The following DOK6 variants were observed in gnomAD, a reference collection of about 807,000 sequenced individuals.
DOK6 encodes downstream of tyrosine kinase 6.
A neutral mutation model predicts 44.0 loss-of-function variants in DOK6; 22 were observed. That is an observed-to-expected ratio of 0.50 (90% CI 0.36 to 0.71). DOK6 has a LOEUF of 0.71. Ranked by LOEUF, DOK6 falls within the 30% of genes least tolerant of loss-of-function variation. The pLI, the probability that DOK6 is intolerant of heterozygous loss-of-function variation, is 0.00. For synonymous variants in DOK6, 166 were observed against 145.5 expected (o/e 1.14, Z -1.01); for missense variants, 340 against 416.4 (o/e 0.82, Z 1.60).
intron 2 of DOK6, among the ~76,000 whole-genome samples, chr18:69,596,296 T>C (rs1380174930): frequency 6.6e-6 from 1 of 152,166 alleles, no homozygotes; most frequent in Non-Finnish European, 1.5e-5. Flanking sequence ...CTGCAAATAG[T>C]GGAGCTAAAT....
intron 3 of DOK6, among the ~76,000 whole-genome samples, chr18:69,605,509 C>G (rs73457966): frequency 0.016 from 2,498 of 152,164 alleles, 77 homozygotes; most frequent in African/African-American, 0.057. Context: ...CAAATTATTA[C>G]TAAGTCTAGG....
At chr18:69,619,071 C>CA (rs200531962) in intron 3 of DOK6, among the ~76,000 whole-genome samples, 2,254 of 151,964 alleles carry the variant, frequency 0.015, 42 homozygotes, top group African/African-American at 0.052. Flanking sequence ...AGAGATGCCA[C>CA]AAAAAAACTA....
chr18:69,603,770 CAAAAAAAAA>C (rs55654660), intron 3 of DOK6, among the ~76,000 whole-genome samples: 1 of 74,346 alleles, frequency 1.3e-5, no homozygotes, highest in Non-Finnish European at 2.4e-5. Flanking sequence ...GACTCCGTCT[CAAAAAAAAA>C]AAAAAAAAAA....
chr18:69,651,796 C>A (rs1293775350), intron 3 of DOK6, among the ~76,000 whole-genome samples: 1 of 151,972 alleles, frequency 6.6e-6, no homozygotes, highest in South Asian at 2.1e-4. Flanking sequence ...CCCATCAGCC[C>A]CCTTTAATCT....
chr18:69,486,145 T>A (rs1351639507), intron 1 of DOK6, among the ~76,000 whole-genome samples: 4 of 151,950 alleles, frequency 2.6e-5, no homozygotes, highest in African/African-American at 9.7e-5. Context: ...ATTATTATTA[T>A]AAGTAATAAT....
chr18:69,466,590 A>G (rs1333854931), intron 1 of DOK6, among the ~76,000 whole-genome samples: 4 of 152,100 alleles, frequency 2.6e-5, no homozygotes, highest in Non-Finnish European at 5.9e-5. Context: ...GAACATTCAA[A>G]CTGTTAAATT....
chr18:69,661,248 T>C (rs566247770), intron 3 of DOK6: 11 of 152,216 alleles, frequency 7.2e-5, no homozygotes, highest in Non-Finnish European at 1.3e-4. Flanking sequence ...GTGTCTCTCT[T>C]TTCTCTGTGT....
At chr18:69,720,949 C>G (rs1335808000) in intron 5 of DOK6, among the ~76,000 whole-genome samples, 1 of 152,010 alleles carries the variant, frequency 6.6e-6, no homozygotes, top group Admixed American at 6.6e-5. Flanking sequence ...TACTAAAATG[C>G]CTTATATACA....
At chr18:69,676,393 A>C (rs932079907) in intron 3 of DOK6, among the ~76,000 whole-genome samples, 1 of 152,218 alleles carries the variant, frequency 6.6e-6, no homozygotes, top group Non-Finnish European at 1.5e-5. Flanking sequence ...CAGAAAGAAA[A>C]CATTACCCAA....
intron 1 of DOK6, among the ~76,000 whole-genome samples, chr18:69,434,950 GGGAGGGAAGGAA>G (rs1247607203): frequency 6.6e-5 from 5 of 76,022 alleles, no homozygotes; most frequent in East Asian, 3.9e-4. Context: ...GAGGGAGGGA[GGGAGGGAAGGAA>G]GGAAGGAAGG....
intron 2 of DOK6, among the ~76,000 whole-genome samples, chr18:69,591,499 C>A (rs1342734667): frequency 6.6e-6 from 1 of 152,104 alleles, no homozygotes; most frequent in African/African-American, 2.4e-5. Flanking sequence ...AAAATTTAAG[C>A]TTGCAAGTAA....
At chr18:69,612,053 C>T (rs1275022162) in intron 3 of DOK6, among the ~76,000 whole-genome samples, 2 of 152,084 alleles carry the variant, frequency 1.3e-5, no homozygotes, top group African/African-American at 4.8e-5. Context: ...TGCTCTTTTG[C>T]AAAATGTTAC....
At chr18:69,524,492 T>C in intron 1 of DOK6, among the ~76,000 whole-genome samples, 1 of 151,936 alleles carries the variant, frequency 6.6e-6, no homozygotes, top group South Asian at 2.1e-4. Context: ...CTTAACAGAC[T>C]AGAGGAGTGT....
chr18:69,733,052 G>C (rs1599293545), intron 5 of DOK6, among the ~76,000 whole-genome samples: 2 of 152,226 alleles, frequency 1.3e-5, no homozygotes, highest in Non-Finnish European at 2.9e-5. Context: ...GAGGGAGAGA[G>C]GCATGGCAGT....
In DOK6 at chr18:69,613,956, AT is replaced by A. The variant is rs1160366431; in HGVS notation, c.289+14464del. ...TTTATATATTTATAATTAATCTTTT[AT>A]TTTTTATTTTATTATTATTATACTT... On this transcript the variant is annotated intron_variant, in intron 3 of 7. Transcript: ENST00000382713. Among the ~76,000 whole-genome samples, 13 of 144,964 alleles carry A rather than the reference AT, an allele frequency of 9.0e-5. No homozygotes were observed. The South Asian group carries it at 1.3e-3, about 14-fold the overall frequency.
At chr18:69,647,105 T>A (rs566354417) in intron 3 of DOK6, among the ~76,000 whole-genome samples, 3 of 124,318 alleles carry the variant, frequency 2.4e-5, no homozygotes, top group Admixed American at 8.4e-5. Context: ...ATCCTATCTG[T>A]CTATCTATCC....
At chr18:69,521,461 T>G (rs183499139) in intron 1 of DOK6, among the ~76,000 whole-genome samples, 1 of 145,798 alleles carries the variant, frequency 6.9e-6, no homozygotes, top group African/African-American at 2.5e-5. Flanking sequence ...AAAAAAAACA[T>G]GTGAATCAAA....
rs1397427963 is a variant in DOK6, at chr18:69,758,728, A to C, written c.856+855A>C. The stretch of plus-strand genomic sequence containing the variant: ...ACATTTATTGAGCACCATAGGCTTG[A>C]ATGTAATAAGCATCCAATAAAATAT... On this transcript the variant is annotated intron_variant, in intron 7 of 7. Transcript: ENST00000382713. 2.0e-5 allele frequency among the ~76,000 whole-genome samples: 3 copies of C among 152,234 alleles called. No homozygotes were observed. In the East Asian group the frequency reaches 5.8e-4, roughly 29 times the overall value.
chr18:69,684,706 T>G (rs969008609), intron 4 of DOK6, among the ~76,000 whole-genome samples: 1 of 152,206 alleles, frequency 6.6e-6, no homozygotes, highest in African/African-American at 2.4e-5. Context: ...TGGAGGTTTC[T>G]TCAAAAGAAG....
Sources: gnomAD v4.1 joint callset for allele counts (sites outside exome capture counted in the v4.1 genomes callset) on GRCh38, gnomAD v4.1.1 for gene constraint, MANE v1.5 for transcripts, NCBI Gene and HGNC (gene_info 2026-07-23, HGNC 2026-07-21) for gene names.